CHAT: variants seen among roughly 807,000 people sequenced by gnomAD.
CHAT encodes the protein choline O-acetyltransferase.
CHAT carries 61 observed loss-of-function variants against 76.9 expected under a neutral mutation model. The observed-to-expected ratio is 0.79, with a 90% CI of 0.65 to 0.98. The LOEUF (loss-of-function observed/expected upper bound fraction) is 0.98. Ranked by LOEUF, CHAT falls within the 50% of genes least tolerant of loss-of-function variation. CHAT has a pLI of 0.00. For missense variants in CHAT, 946 were observed against 986.9 expected, an observed-to-expected ratio of 0.96 and a Z score of 0.56; for synonymous variants, 407 against 397.4, an observed-to-expected ratio of 1.02 and a Z score of -0.29.
At chr10:49,624,730 C>T (rs59668788) in intron 5 of CHAT, among the ~76,000 whole-genome samples, 6,180 of 41,520 alleles carry the variant, frequency 0.15, 405 homozygotes, top group African/African-American at 0.34. Flanking sequence ...GATGGATGGA[C>T]GGATGGATGG....
Position 49,649,403 on chromosome 10 carries a change from T to C in CHAT, c.1383-105T>C, listed in dbSNP as rs1839790313. On this transcript the variant is annotated intron_variant, in intron 9 of 14. Coordinates refer to ENST00000337653, the MANE Select transcript of CHAT (RefSeq NM_020549.5). ...GCAGCTCGTACCCCCTGAAACTCCA[T>C]GGCCGCAAACACTGACAGCTAAGAT... 3.1e-5 allele frequency: 48 copies of C among 1,557,346 alleles called. No homozygotes were observed. The South Asian group carries it at 4.7e-4, about 15-fold the overall frequency.
intron 2 of CHAT, among the ~76,000 whole-genome samples, chr10:49,617,737 A>C (rs1590557771): frequency 6.7e-6 from 1 of 150,202 alleles, no homozygotes; most frequent in Middle Eastern, 3.4e-3. Context: ...CACACAGACC[A>C]CCCCCCCCAC....
chr10:49,626,732 T>C (rs1838936252), intron 6 of CHAT, among the ~76,000 whole-genome samples: 1 of 152,200 alleles, frequency 6.6e-6, no homozygotes, highest in South Asian at 2.1e-4. Context: ...GCTAGGGGGT[T>C]GGAGGGGAAG....
chr10:49,651,605 G>T, intron 10 of CHAT: 2 of 447,820 alleles, frequency 4.5e-6, no homozygotes, highest in Non-Finnish European at 8.3e-6. Context: ...CACTAACACA[G>T]CCAGGCCCAC....
rs766947649 is a variant in CHAT, at chr10:49,649,551, G to A, written c.1426G>A (p.Glu476Lys). The change falls in exon 10 of 15, where the codon GAG becomes AAG. Residue 476 changes from glutamate (E) to lysine (K), a missense_variant. Transcript: ENST00000337653. ...RKLIRADSVS[E>K]LPAPRRLRWK... ...GCTGATCCGAGCAGACTCCGTCAGC[G>A]AGCTCCCCGCCCCCCGGAGGCTGCG... is the stretch of plus-strand genomic sequence containing the variant. The A allele has an allele frequency of 1.4e-5, 23 of 1,613,716 alleles. No homozygotes were observed. Among genetic ancestry groups the A allele is most frequent in the Non-Finnish European group, 1.9e-5 (22 of 1,180,016 alleles).
intron 2 of CHAT, among the ~76,000 whole-genome samples, chr10:49,618,980 C>A (rs1299466436): frequency 6.6e-6 from 1 of 152,154 alleles, no homozygotes; most frequent in African/African-American, 2.4e-5. Context: ...GGAAGGACAT[C>A]CACTGCATCC....
upstream of CHAT, chr10:49,610,772 G>A (rs8187732): frequency 1.1e-4 from 176 of 1,560,196 alleles, no homozygotes; most frequent in African/African-American, 2.2e-3. Context: ...GGCCAGGCCC[G>A]GGCGGCGGCC....
At chr10:49,649,766 T>TC (rs1839810528) in intron 10 of CHAT, 130 bp downstream of exon 10, 1 of 905,964 alleles carries the variant, frequency 1.1e-6, no homozygotes, top group East Asian at 2.6e-5. Context: ...CTCCACCTCG[T>TC]CCCCATCCCT....
chr10:49,649,341 T>G (rs1367766305), intron 9 of CHAT, among the ~76,000 whole-genome samples, 167 bp from the exon 10 acceptor site: 1 of 152,230 alleles, frequency 6.6e-6, no homozygotes, highest in Non-Finnish European at 1.5e-5. Flanking sequence ...GTGGCCTCTC[T>G]GAGCCTCAGT....
In CHAT at chr10:49,666,837, T is replaced by G. The variant is rs1840349647; in HGVS notation, c.*1791T>G. ...TTAGGAAGTTGCAGCACAAGGGTCC[T>G]GGGTTTTCTGGGGAAAGGCAGCCCA... On this transcript the variant is annotated 3_prime_UTR_variant, in exon 15 of 15. Coordinates refer to ENST00000337653, the MANE Select transcript of CHAT (RefSeq NM_020549.5). 6.6e-6 allele frequency among the ~76,000 whole-genome samples: 1 copy of G among 152,206 alleles called. No individual in the cohort carries two copies. Among genetic ancestry groups the G allele is most frequent in the African/African-American group, 2.4e-5 (1 of 41,464 alleles).
intron 5 of CHAT, 131 bp from the exon 6 acceptor site, chr10:49,625,342 G>T (rs1838878001): frequency 1.2e-6 from 1 of 803,826 alleles, no homozygotes; most frequent in Non-Finnish European, 2.1e-6. Flanking sequence ...CTCTGCATCT[G>T]CCATGATGAT....
intron 7 of CHAT, among the ~76,000 whole-genome samples, chr10:49,629,737 CT>C (rs1839049889): frequency 6.6e-6 from 1 of 152,246 alleles, no homozygotes; most frequent in Admixed American, 6.5e-5. Flanking sequence ...ACACATGCGC[CT>C]CCCCTTGGGT....
chr10:49,634,644 G>A (rs953520916), intron 7 of CHAT, among the ~76,000 whole-genome samples: 5 of 152,112 alleles, frequency 3.3e-5, no homozygotes, highest in East Asian at 1.9e-4. Flanking sequence ...TCTGGCCCTC[G>A]TTTTCCATTT....
Position 49,625,656 on chromosome 10 carries a change from A to G in CHAT, c.933+3A>G. 1 of 1,563,268 alleles carries G rather than the reference A, an allele frequency of 6.4e-7. No homozygotes were observed. The highest frequency in any genetic ancestry group is 8.7e-7 in the Non-Finnish European group (1 of 1,152,776). The stretch of plus-strand genomic sequence containing the variant: ...TCATCGTAGCCTGCTGCAATCAGGT[A>G]AGCAACCCCTTGTCTTGGTGAGGGA... On this transcript the variant is annotated splice_donor_region_variant and intron_variant, in intron 6 of 14. Coordinates refer to ENST00000337653, the MANE Select transcript of CHAT (RefSeq NM_020549.5).
intron 2 of CHAT, among the ~76,000 whole-genome samples, chr10:49,618,765 C>G (rs1175302615): frequency 2.0e-5 from 3 of 152,200 alleles, no homozygotes; most frequent in South Asian, 2.1e-4. Context: ...TTCCTAGACT[C>G]TAGCCACACT....
intron 3 of CHAT, 122 bp from the exon 4 acceptor site, chr10:49,620,373 T>C (rs1838659589): frequency 1.3e-6 from 1 of 787,094 alleles, no homozygotes; most frequent in Non-Finnish European, 2.3e-6. Context: ...TACCTGGGGC[T>C]TAGCATATAT....
At chr10:49,612,773 A>T (rs8178983), upstream of CHAT, 332 of 175,452 alleles carry the variant, frequency 1.9e-3, 1 homozygote, top group Middle Eastern at 0.022. Flanking sequence ...GGGCCAGAGC[A>T]GAGGGGAGGG....
intron 4 of CHAT, among the ~76,000 whole-genome samples, chr10:49,621,853 G>A (rs1564473465): frequency 7.5e-6 from 1 of 133,872 alleles, no homozygotes. Context: ...GCATGGGGCT[G>A]GGGGGCAAGA....
upstream of CHAT, chr10:49,611,256 C>T: frequency 6.2e-7 from 1 of 1,612,930 alleles, no homozygotes; most frequent in Non-Finnish European, 8.5e-7. Context: ...TCGCCTTCGC[C>T]GAGGACTACG....
Sources: gnomAD v4.1 joint callset for allele counts (sites outside exome capture counted in the v4.1 genomes callset) on GRCh38, gnomAD v4.1.1 for gene constraint, MANE v1.5 for transcripts, NCBI Gene and HGNC (gene_info 2026-07-23, HGNC 2026-07-21) for gene names.